Variants in COL27A1 observed in about 807,000 individuals in gnomAD.
COL27A1 encodes collagen type XXVII alpha 1 chain.
Under a neutral mutation model 251.3 loss-of-function variants are expected in COL27A1, and 106 were observed. The ratio of observed to expected loss-of-function variants is 0.42; its 90% CI spans 0.36 to 0.50. COL27A1 has a LOEUF of 0.50. Ranked by LOEUF, COL27A1 falls within the 20% of genes least tolerant of loss-of-function variation. The pLI is 0.00. For missense variants in COL27A1, 2,325 were observed against 2,522.8 expected, an observed-to-expected ratio of 0.92 and a Z score of 1.68; for synonymous variants, 1,000 against 986.3, an observed-to-expected ratio of 1.01 and a Z score of -0.26.
chr9:114,177,203 A>G (rs963950058), intron 3 of COL27A1, among the ~76,000 whole-genome samples: 1 of 152,222 alleles, frequency 6.6e-6, no homozygotes, highest in Non-Finnish European at 1.5e-5. Flanking sequence ...GTGTGCAGCT[A>G]TTAAGTGGTA....
chr9:114,185,901 G>A (rs1215953349), intron 5 of COL27A1, among the ~76,000 whole-genome samples: 2 of 152,232 alleles, frequency 1.3e-5, no homozygotes, highest in Admixed American at 6.5e-5. Flanking sequence ...CGATCCCTCT[G>A]CTAGACTCAA....
At chr9:114,188,703 G>A (rs1337874268) in intron 5 of COL27A1, among the ~76,000 whole-genome samples, 1 of 152,142 alleles carries the variant, frequency 6.6e-6, no homozygotes, top group Non-Finnish European at 1.5e-5. Context: ...TAAGTGCTTA[G>A]CTGTTATTTT....
intron 28 of COL27A1, among the ~76,000 whole-genome samples, chr9:114,261,901 C>T (rs536746259): frequency 6.6e-6 from 1 of 152,328 alleles, no homozygotes; most frequent in African/African-American, 2.4e-5. Context: ...ACTGCTCCTG[C>T]GGTGGCTGCT....
chr9:114,211,634 A>T (rs1002473715), intron 12 of COL27A1, among the ~76,000 whole-genome samples: 1 of 152,186 alleles, frequency 6.6e-6, no homozygotes, highest in South Asian at 2.1e-4. Flanking sequence ...AGGCACGGAG[A>T]GATTAAGTCA....
intron 17 of COL27A1, among the ~76,000 whole-genome samples, chr9:114,236,666 C>T (rs1832420698): frequency 6.6e-6 from 1 of 152,194 alleles, no homozygotes; most frequent in Non-Finnish European, 1.5e-5. Context: ...TGGCTCTTCC[C>T]TACTGGACCC....
At chr9:114,191,113 C>G (rs558600044) in intron 5 of COL27A1, among the ~76,000 whole-genome samples, 1 of 152,262 alleles carries the variant, frequency 6.6e-6, no homozygotes, top group South Asian at 2.1e-4. Flanking sequence ...GGATTTACCT[C>G]CGTCTAGGTG....
chr9:114,244,927 A>G (rs115814850), intron 23 of COL27A1, among the ~76,000 whole-genome samples: 4 of 152,098 alleles, frequency 2.6e-5, no homozygotes, highest in African/African-American at 7.2e-5. Context: ...AGGCCACCCA[A>G]TGTGAAAGTG....
chr9:114,288,623 A>G, intron 42 of COL27A1, 79 bp from the exon 43 acceptor site: 1 of 1,559,440 alleles, frequency 6.4e-7, no homozygotes, highest in Non-Finnish European at 8.7e-7. Context: ...AGCTCCGCAG[A>G]GGTCGCGGCC....
rs1237624001 is a variant in COL27A1, at chr9:114,301,683, G to A, written c.4811G>A (p.Gly1604Asp). 1 of 1,610,636 alleles carries A rather than the reference G, an allele frequency of 6.2e-7. No homozygotes were observed. The highest frequency in any genetic ancestry group is 8.5e-7 in the Non-Finnish European group (1 of 1,178,610). ...RGDWGLQGPR[G>D]PPGPRGRPGP... ...ACTCTTCTTCTCTTGTTCCCCCAGG[G>A]TCCTCCCGGCCCCAGAGGGCGGCCC... The change falls in exon 55 of 61, where the codon GGT becomes GAT. Residue 1604 changes from glycine (G) to aspartate (D), a missense_variant and splice_region_variant. This residue lies in a region of COL27A1 where 327 missense variants were observed against 442.8 expected (regional missense o/e 0.74). Transcript: ENST00000356083.
chr9:114,185,867 G>C (rs1423345962), intron 5 of COL27A1, among the ~76,000 whole-genome samples: 1 of 152,236 alleles, frequency 6.6e-6, no homozygotes, highest in Non-Finnish European at 1.5e-5. Flanking sequence ...TCCACCTTCA[G>C]GTGCTTATGG....
chr9:114,172,472 G>T (rs1849388351), intron 3 of COL27A1, among the ~76,000 whole-genome samples: 1 of 152,166 alleles, frequency 6.6e-6, no homozygotes, highest in Non-Finnish European at 1.5e-5. Context: ...CTGGTGGGGA[G>T]GGTGGCCTGA....
chr9:114,201,039 A>G (rs1479779090), intron 7 of COL27A1, among the ~76,000 whole-genome samples: 1 of 152,146 alleles, frequency 6.6e-6, no homozygotes, highest in African/African-American at 2.4e-5. Context: ...CCAGACGGGG[A>G]GACGGTTTGT....
intron 1 of COL27A1, among the ~76,000 whole-genome samples, chr9:114,160,183 C>T (rs1445521252): frequency 1.3e-5 from 2 of 148,992 alleles, no homozygotes; most frequent in African/African-American, 4.9e-5. Context: ...GAGGCAGAGT[C>T]TCGCTCTGTC....
chr9:114,196,632 CAGGGGA>C lies in COL27A1; in HGVS notation c.2124+634_2124+639del, dbSNP rs199851882. On this transcript the variant is annotated intron_variant, in intron 7 of 60. Coordinates refer to ENST00000356083, the MANE Select transcript of COL27A1 (RefSeq NM_032888.4). ...ATATGCGGCCCTCGCTGATGCTCTG[CAGGGGA>C]AGGGGAAGGGGAATGATCTGGAGAG... Among the ~76,000 whole-genome samples the C allele has an allele frequency of 5.6e-3, 848 of 152,320 alleles. 6 individuals are homozygous for C. Among genetic ancestry groups the C allele is most frequent in the African/African-American group, 0.019 (803 of 41,576 alleles).
intron 15 of COL27A1, 88 bp from the exon 16 acceptor site, chr9:114,231,734 G>T: frequency 7.5e-6 from 10 of 1,332,236 alleles, no homozygotes; most frequent in Non-Finnish European, 1.1e-5. Flanking sequence ...CTAGCACGGG[G>T]TCTTGCAGCA....
chr9:114,300,241 G>C, intron 50 of COL27A1, 118 bp downstream of exon 50: 1 of 1,063,026 alleles, frequency 9.4e-7, no homozygotes, highest in Middle Eastern at 2.1e-4. Flanking sequence ...AAAACAGCCA[G>C]AATCAGGCAT....
At chr9:114,203,895 C>T (rs372456632) in intron 7 of COL27A1, among the ~76,000 whole-genome samples, 8 of 152,028 alleles carry the variant, frequency 5.3e-5, no homozygotes, top group Non-Finnish European at 8.8e-5. Context: ...TCAGAGTAGG[C>T]GTCTTCAGTT....
At chr9:114,287,677 G>A (rs935804578) in intron 41 of COL27A1, among the ~76,000 whole-genome samples, 10 of 152,080 alleles carry the variant, frequency 6.6e-5, no homozygotes, top group South Asian at 2.1e-4. Context: ...ACCGGGAGGC[G>A]CTCCAGTCCC....
rs1827625155 is a variant in COL27A1, at chr9:114,178,302, GCTAC to G, written c.1923_1926del (p.Pro642GlyfsTer105). On this transcript the variant is annotated frameshift_variant, in exon 4 of 61. Transcript: ENST00000356083. LOFTEE classifies it high-confidence loss of function. Reference sequence around the variant, plus strand: ...TGTTTTCTCCTCAGGGTCCCCCTGGGCTACCTGGGCTACCTGGAATCCCTGGTGC... The same window carrying G: ...TGTTTTCTCCTCAGGGTCCCCCTGGGCTGGGCTACCTGGAATCCCTGGTGC... The G allele has an allele frequency of 1.2e-6, 2 of 1,613,618 alleles. No homozygotes were observed. Among genetic ancestry groups the G allele is most frequent in the South Asian group, 2.2e-5 (2 of 91,062 alleles).
Sources: gnomAD v4.1 joint callset for allele counts (sites outside exome capture counted in the v4.1 genomes callset) on GRCh38, gnomAD v4.1.1 for gene constraint, gnomAD v4.1.1 regional missense constraint, MANE v1.5 for transcripts, NCBI Gene and HGNC (gene_info 2026-07-23, HGNC 2026-07-21) for gene names.